SCD5: variants seen among roughly 807,000 people sequenced by gnomAD.
The protein encoded by SCD5 is stearoyl-CoA desaturase 5, also known as acyl-CoA-desaturase 4.
In SCD5, 20 loss-of-function variants were observed where a neutral mutation model predicts 30.4. That is an observed-to-expected ratio of 0.66 (90% CI 0.46 to 0.96). SCD5 has a LOEUF of 0.96. SCD5 is among the 40% of genes least tolerant of loss of function. The pLI, the probability that SCD5 is intolerant of heterozygous loss-of-function variation, is 0.00. For missense variants in SCD5, 381 were observed against 443.3 expected (o/e 0.86, Z 1.26); for synonymous variants, 173 against 176.4 (o/e 0.98, Z 0.16).
chr4:82,652,040 C>T (rs751679461), intron 3 of SCD5, among the ~76,000 whole-genome samples: 1 of 152,156 alleles, frequency 6.6e-6, no homozygotes, highest in Non-Finnish European at 1.5e-5. Flanking sequence ...CATGAGATTC[C>T]ACCTTTCTAA....
intron 3 of SCD5, among the ~76,000 whole-genome samples, chr4:82,640,182 T>C (rs1727513929): frequency 6.6e-6 from 1 of 152,144 alleles, no homozygotes. Context: ...CAGACCCTGC[T>C]CCTGCCTCCT....
intron 1 of SCD5, among the ~76,000 whole-genome samples, chr4:82,738,609 C>T (rs1277241234): frequency 6.6e-6 from 1 of 152,216 alleles, no homozygotes; most frequent in Admixed American, 6.5e-5. Flanking sequence ...ACTCTTCACT[C>T]CTTCACCTTA....
At chr4:82,727,855 G>A (rs1720540665) in intron 1 of SCD5, among the ~76,000 whole-genome samples, 1 of 152,026 alleles carries the variant, frequency 6.6e-6, no homozygotes, top group African/African-American at 2.4e-5. Context: ...TTACAGGTAC[G>A]CACCATCACA....
At chr4:82,750,686 T>C (rs1446007497) in intron 1 of SCD5, among the ~76,000 whole-genome samples, 2 of 151,478 alleles carry the variant, frequency 1.3e-5, no homozygotes, top group African/African-American at 2.4e-5. Flanking sequence ...TCATTATGTC[T>C]GTTTAAAAGA....
At chr4:82,689,689 A>G (rs1012017768) in intron 2 of SCD5, among the ~76,000 whole-genome samples, 1 of 152,256 alleles carries the variant, frequency 6.6e-6, no homozygotes, top group African/African-American at 2.4e-5. Context: ...TGATGAAGAT[A>G]AAATATTCAT....
At chr4:82,693,012 T>C (rs1719595988) in intron 2 of SCD5, among the ~76,000 whole-genome samples, 1 of 152,080 alleles carries the variant, frequency 6.6e-6, no homozygotes, top group African/African-American at 2.4e-5. Context: ...ACCCTGCAAG[T>C]CCTGGGAGCA....
At chr4:82,636,877 G>A (rs1577999457) in intron 3 of SCD5, 54 bp from the exon 4 acceptor site, 1 of 1,452,306 alleles carries the variant, frequency 6.9e-7, no homozygotes, top group Non-Finnish European at 9.3e-7. Flanking sequence ...GAGAGAGGAT[G>A]GGCTGAGCAA....
intron 2 of SCD5, among the ~76,000 whole-genome samples, chr4:82,684,533 G>C (rs1281779003): frequency 6.6e-6 from 1 of 152,168 alleles, no homozygotes; most frequent in East Asian, 1.9e-4. Flanking sequence ...GGGTGGGTAG[G>C]GGAAAGAACC....
intron 1 of SCD5, among the ~76,000 whole-genome samples, chr4:82,742,035 G>C (rs185615260): frequency 6.7e-6 from 1 of 148,572 alleles, no homozygotes; most frequent in African/African-American, 2.5e-5. Context: ...AGCCGAGATC[G>C]CACCACTGCA....
chr4:82,677,294 A>G (rs1207169063), intron 3 of SCD5, among the ~76,000 whole-genome samples: 1 of 152,214 alleles, frequency 6.6e-6, no homozygotes, highest in Non-Finnish European at 1.5e-5. Context: ...GTCATACAAG[A>G]GCAGGTGGAG....
intron 1 of SCD5, among the ~76,000 whole-genome samples, chr4:82,769,211 C>A (rs112794652): frequency 0.049 from 7,508 of 151,936 alleles, 255 homozygotes; most frequent in Middle Eastern, 0.095. Flanking sequence ...CCAGCCACTG[C>A]CCTGAGATTG....
intron 1 of SCD5, among the ~76,000 whole-genome samples, chr4:82,743,540 T>A (rs1033437245): frequency 6.6e-6 from 1 of 151,984 alleles, no homozygotes; most frequent in African/African-American, 2.4e-5. Context: ...ATATATTTTT[T>A]AATTTTTTTT....
At chr4:82,668,221 G>A (rs1157712668) in intron 3 of SCD5, among the ~76,000 whole-genome samples, 1 of 152,166 alleles carries the variant, frequency 6.6e-6, no homozygotes, top group Non-Finnish European at 1.5e-5. Context: ...TCTGGCAGGT[G>A]AAAAGACAAA....
chr4:82,668,508 T>C (rs1299080701), intron 3 of SCD5, among the ~76,000 whole-genome samples: 1 of 152,210 alleles, frequency 6.6e-6, no homozygotes, highest in Non-Finnish European at 1.5e-5. Flanking sequence ...GAACATCACC[T>C]GACATATAGT....
chr4:82,780,638 T>A (rs3897960), intron 1 of SCD5, among the ~76,000 whole-genome samples: 39,850 of 152,256 alleles, frequency 0.26, 6,046 homozygotes, highest in African/African-American at 0.42. Context: ...CTTCTTTTGC[T>A]CCTTAAAATA....
At chr4:82,790,403 T>C (rs1402616471) in intron 1 of SCD5, among the ~76,000 whole-genome samples, 1 of 152,160 alleles carries the variant, frequency 6.6e-6, no homozygotes, top group Non-Finnish European at 1.5e-5. Flanking sequence ...CTCTCCACTC[T>C]ACTCACCAGC....
In SCD5 at chr4:82,677,124, G is replaced by A. The variant is rs181875963; in HGVS notation, c.569+3583C>T. On this transcript the variant is annotated intron_variant, in intron 3 of 4. Coordinates refer to ENST00000319540, the MANE Select transcript of SCD5 (RefSeq NM_001037582.3). ...TTAGTGTCCTGAGTGGACTGAAGGA[G>A]GAGTCTCTAAATCCTCAGTCTCTAT... 2.2e-4 allele frequency among the ~76,000 whole-genome samples: 33 copies of A among 152,330 alleles called. No individual in the cohort carries two copies. The East Asian group carries it at 6.4e-3, about 29-fold the overall frequency.
At chr4:82,644,224 G>A (rs1409489260) in intron 3 of SCD5, among the ~76,000 whole-genome samples, 1 of 152,138 alleles carries the variant, frequency 6.6e-6, no homozygotes, top group African/African-American at 2.4e-5. Context: ...AGAGAAGCCC[G>A]TTGTCCAGGC....
intron 1 of SCD5, among the ~76,000 whole-genome samples, chr4:82,776,836 AT>A (rs1339399339): frequency 6.6e-6 from 1 of 152,242 alleles, no homozygotes; most frequent in African/African-American, 2.4e-5. Flanking sequence ...AGAGATACAT[AT>A]TTATGTTAAT....
Sources: allele counts gnomAD v4.1 joint callset (sites outside exome capture counted in the v4.1 genomes callset), GRCh38; gene constraint gnomAD v4.1.1; transcripts MANE v1.5; gene names NCBI Gene and HGNC (gene_info 2026-07-23, HGNC 2026-07-21).